Variants in SELENOF observed in about 807,000 individuals in gnomAD.
SELENOF encodes the protein 15 kDa selenoprotein.
A neutral mutation model predicts 20.5 loss-of-function variants in SELENOF; 16 were observed. The observed-to-expected ratio is 0.78, with a 90% CI of 0.53 to 1.19. The LOEUF is 1.19. Among genes scored for constraint, SELENOF ranks in the 50% most tolerant of loss-of-function variants. The pLI is 0.00. For synonymous variants in SELENOF, 78 were observed against 74.5 expected, an observed-to-expected ratio of 1.05 and a Z score of -0.24; for missense variants, 215 against 194.2, an observed-to-expected ratio of 1.11 and a Z score of -0.64.
chr1:86,887,301 G>C, intron 2 of SELENOF: 3 of 1,277,734 alleles, frequency 2.3e-6, no homozygotes, highest in Non-Finnish European at 3.1e-6. Context: ...ACTCATCTTG[G>C]AGTGCTTTTT....
chr1:86,862,983 T>C lies in SELENOF; in HGVS notation c.*491A>G, dbSNP rs1333959789. Reference sequence around the variant, plus strand: ...CATTCATTGTAAACTATAAATAACATTTGTATTAAAAAGAAAGCTGGGTAA... The same window carrying C: ...CATTCATTGTAAACTATAAATAACACTTGTATTAAAAAGAAAGCTGGGTAA... On this transcript the variant is annotated 3_prime_UTR_variant, in exon 5 of 5. Coordinates refer to ENST00000331835, the MANE Select transcript of SELENOF (RefSeq NM_004261.5). 1 of 152,760 alleles carries C rather than the reference T, an allele frequency of 6.5e-6. No homozygotes were observed. The highest frequency in any genetic ancestry group is 1.9e-4 in the East Asian group (1 of 5,204). 9.5% of individuals were successfully genotyped at this position (152,760 alleles called of 1,614,324 possible). A position where few individuals can be genotyped will look rare whatever the true frequency, so the allele number is the denominator to read the frequency against.
chr1:86,865,594 T>C (rs1658570777), intron 4 of SELENOF, among the ~76,000 whole-genome samples: 1 of 152,208 alleles, frequency 6.6e-6, no homozygotes, highest in African/African-American at 2.4e-5. Flanking sequence ...CCTATTAGGA[T>C]GGCTACTACC....
intron 1 of SELENOF, among the ~76,000 whole-genome samples, chr1:86,911,371 A>G (rs1011481926): frequency 6.6e-6 from 1 of 152,238 alleles, no homozygotes; most frequent in Non-Finnish European, 1.5e-5. Context: ...GGGAGAATAC[A>G]GTATGTGAAA....
At chr1:86,899,488 G>C (rs867804183) in intron 2 of SELENOF, among the ~76,000 whole-genome samples, 2 of 126,692 alleles carry the variant, frequency 1.6e-5, no homozygotes, top group Non-Finnish European at 3.3e-5. Context: ...CAGTAGGGGC[G>C]GCCGGGCAGA....
rs976542428 is a variant in SELENOF at position 86,903,175 on chromosome 1, G to A, written c.252+106C>T. On this transcript the variant is annotated intron_variant, in intron 2 of 4. Coordinates refer to ENST00000331835, the MANE Select transcript of SELENOF (RefSeq NM_004261.5). ...AATCAGTTGAGTTTTACTAAAAAATGTAAAAGCTTAGAGGCTTTTTTACAC... is the reference window on the plus strand; with the variant it reads ...AATCAGTTGAGTTTTACTAAAAAATATAAAAGCTTAGAGGCTTTTTTACAC... 16 of 986,100 alleles carry A rather than the reference G, an allele frequency of 1.6e-5. No individual in the cohort carries two copies. In the South Asian group the frequency reaches 2.7e-4, roughly 17 times the overall value. The allele number at this position is 986,100 out of a possible 1,614,324, so 61.1% of individuals were successfully genotyped here.
At chr1:86,863,819 ATT>A (rs1248069081) in intron 4 of SELENOF, among the ~76,000 whole-genome samples, 24 of 152,128 alleles carry the variant, frequency 1.6e-4, no homozygotes, top group African/African-American at 4.8e-4. Context: ...TCATTCATTC[ATT>A]CATTCATTCA....
At chr1:86,883,315 T>C (rs1261453053) in intron 2 of SELENOF, among the ~76,000 whole-genome samples, 2 of 152,122 alleles carry the variant, frequency 1.3e-5, no homozygotes, top group African/African-American at 4.8e-5. Flanking sequence ...TATTGTTTCA[T>C]GGGTGTAAGT....
At chr1:86,899,062 G>A (rs1460203795) in intron 2 of SELENOF, among the ~76,000 whole-genome samples, 1 of 151,908 alleles carries the variant, frequency 6.6e-6, no homozygotes, top group East Asian at 1.9e-4. Flanking sequence ...TTAACCCTGA[G>A]TGGACACAGC....
At chr1:86,907,116 A>G (rs1659849648) in intron 1 of SELENOF, among the ~76,000 whole-genome samples, 1 of 152,198 alleles carries the variant, frequency 6.6e-6, no homozygotes, top group Non-Finnish European at 1.5e-5. Context: ...TCTAGATTCA[A>G]ATGCCATCAC....
At chr1:86,907,359 G>T (rs1659856670) in intron 1 of SELENOF, among the ~76,000 whole-genome samples, 1 of 152,212 alleles carries the variant, frequency 6.6e-6, no homozygotes, top group Admixed American at 6.5e-5. Flanking sequence ...TAAGTATAGG[G>T]GAGATACAAA....
chr1:86,872,338 G>A (rs1658796557), intron 3 of SELENOF, among the ~76,000 whole-genome samples: 1 of 152,060 alleles, frequency 6.6e-6, no homozygotes, highest in South Asian at 2.1e-4. Context: ...CTAATAGGCT[G>A]TAACTTTTTA....
intron 2 of SELENOF, among the ~76,000 whole-genome samples, chr1:86,890,807 G>T (rs1659363859): frequency 6.6e-6 from 1 of 151,964 alleles, no homozygotes; most frequent in Non-Finnish European, 1.5e-5. Flanking sequence ...ATCATGCCTG[G>T]CCTACGCATT....
At chr1:86,879,577 G>A (rs781676954) in intron 3 of SELENOF, among the ~76,000 whole-genome samples, 6 of 152,064 alleles carry the variant, frequency 3.9e-5, no homozygotes, top group Admixed American at 3.9e-4. Flanking sequence ...AAATTCTCTT[G>A]CCATTAACTA....
chr1:86,875,811 T>G (rs1233290479), intron 3 of SELENOF, among the ~76,000 whole-genome samples: 1 of 152,154 alleles, frequency 6.6e-6, no homozygotes. Flanking sequence ...TGGAGCTAAA[T>G]TTTGAATGAA....
rs10633486 is a variant in SELENOF, at chr1:86,886,433, C to CT, written c.253-5709dup. Among the ~76,000 whole-genome samples, 141 of 146,132 alleles carry CT rather than the reference C, an allele frequency of 9.6e-4. 3 individuals carry two copies. Among genetic ancestry groups the CT allele is most frequent in the East Asian group, 8.0e-4 (4 of 5,026 alleles). ...CTGAAGCAAGACAAATGTTACAGTACTTTTTTTTTTTTCCCTTTCCTTATG... is the reference window on the plus strand; with the variant it reads ...CTGAAGCAAGACAAATGTTACAGTACTTTTTTTTTTTTTCCCTTTCCTTATG... On this transcript the variant is annotated intron_variant, in intron 2 of 4. Coordinates refer to ENST00000331835, the MANE Select transcript of SELENOF (RefSeq NM_004261.5).
chr1:86,891,840 A>T (rs1174721181), intron 2 of SELENOF, among the ~76,000 whole-genome samples: 1 of 152,164 alleles, frequency 6.6e-6, no homozygotes, highest in Non-Finnish European at 1.5e-5. Flanking sequence ...AGGTTCTATA[A>T]ATTCATTTAA....
intron 3 of SELENOF, among the ~76,000 whole-genome samples, chr1:86,870,226 A>G (rs76591160): frequency 0.01 from 1,597 of 152,310 alleles, 18 homozygotes; most frequent in Middle Eastern, 0.014. Flanking sequence ...AGCACTATAG[A>G]TTTGCTTCAT....
intron 3 of SELENOF, among the ~76,000 whole-genome samples, chr1:86,874,459 T>G (rs1658873403): frequency 6.6e-6 from 1 of 152,232 alleles, no homozygotes; most frequent in African/African-American, 2.4e-5. Flanking sequence ...AAGTCATTCA[T>G]GCTGCCCCCT....
intron 1 of SELENOF, among the ~76,000 whole-genome samples, chr1:86,909,199 C>G (rs1659910913): frequency 6.6e-6 from 1 of 152,114 alleles, no homozygotes; most frequent in African/African-American, 2.4e-5. Flanking sequence ...TCTTTTTTTC[C>G]CCTTGGGCTA....
Sources: gnomAD v4.1 joint callset for allele counts (sites outside exome capture counted in the v4.1 genomes callset) on GRCh38, gnomAD v4.1.1 for gene constraint, MANE v1.5 for transcripts, NCBI Gene and HGNC (gene_info 2026-07-23, HGNC 2026-07-21) for gene names.